Variants in ENOX1 observed in about 807,000 individuals in gnomAD.
ENOX1 encodes the protein ecto-NOX disulfide-thiol exchanger 1, also known as candidate growth-related and time keeping constitutive hydroquinone (NADH) oxidase.
In ENOX1, 42 loss-of-function variants were observed where a neutral mutation model predicts 82.5. The ratio of observed to expected loss-of-function variants is 0.51; its 90% confidence interval spans 0.40 to 0.66. The LOEUF (loss-of-function observed/expected upper bound fraction) is 0.66. Ranked by LOEUF, ENOX1 falls within the 30% of genes least tolerant of loss-of-function variation. ENOX1 has a pLI of 0.00. For missense variants in ENOX1, 608 were observed against 811.6 expected, an observed-to-expected ratio of 0.75 and a Z score of 3.05; for synonymous variants, 271 against 282.2, an observed-to-expected ratio of 0.96 and a Z score of 0.40.
chr13:43,705,419 A>G (rs1325319662), intron 1 of ENOX1, among the ~76,000 whole-genome samples: 1 of 151,164 alleles, frequency 6.6e-6, no homozygotes. Context: ...GCAAACAAAT[A>G]CATGCTCTAT....
At chr13:43,474,639 G>A (rs2058205821) in intron 3 of ENOX1, among the ~76,000 whole-genome samples, 1 of 152,130 alleles carries the variant, frequency 6.6e-6, no homozygotes, top group Non-Finnish European at 1.5e-5. Flanking sequence ...CTGGAATTAA[G>A]ACCTACACTT....
chr13:43,551,500 C>G (rs2079193273), intron 2 of ENOX1, among the ~76,000 whole-genome samples: 1 of 151,974 alleles, frequency 6.6e-6, no homozygotes, highest in African/African-American at 2.4e-5. Flanking sequence ...AAACTACTGA[C>G]CCATTTTTTA....
chr13:43,450,092 T>C (rs2056877554), intron 3 of ENOX1, among the ~76,000 whole-genome samples: 1 of 152,228 alleles, frequency 6.6e-6, no homozygotes, highest in Non-Finnish European at 1.5e-5. Context: ...TGGCATTCAA[T>C]ATAGTCATAT....
chr13:43,404,680 CG>C (rs1566133547), intron 5 of ENOX1, among the ~76,000 whole-genome samples: 1 of 152,174 alleles, frequency 6.6e-6, no homozygotes, highest in African/African-American at 2.4e-5. Flanking sequence ...CATCACTGGT[CG>C]GTCAGGCCAA....
At chr13:43,672,651 T>A (rs1433009254) in intron 1 of ENOX1, among the ~76,000 whole-genome samples, 1 of 152,198 alleles carries the variant, frequency 6.6e-6, no homozygotes, top group Admixed American at 6.5e-5. Context: ...TATCTGCATA[T>A]CGTGAGACCT....
intron 8 of ENOX1, among the ~76,000 whole-genome samples, chr13:43,349,544 T>C (rs199516842): frequency 1.3e-5 from 2 of 151,952 alleles, no homozygotes; most frequent in East Asian, 3.9e-4. Flanking sequence ...TGGCACATAG[T>C]AGGCATTACA....
chr13:43,329,034 T>G (rs1332406411), intron 9 of ENOX1, among the ~76,000 whole-genome samples: 3 of 152,152 alleles, frequency 2.0e-5, no homozygotes, highest in African/African-American at 7.2e-5. Flanking sequence ...GCTAAGTAGA[T>G]AGGTGGCATT....
At chr13:43,439,394 G>T (rs1459949422) in intron 3 of ENOX1, among the ~76,000 whole-genome samples, 3 of 152,012 alleles carry the variant, frequency 2.0e-5, no homozygotes, top group Non-Finnish European at 4.4e-5. Flanking sequence ...TAGAGACAGG[G>T]TTTCACCATG....
rs1197742422 is a variant in ENOX1 at position 43,558,210 on chromosome 13, T to G, written c.-218-74058A>C. 5.9e-5 allele frequency among the ~76,000 whole-genome samples: 9 copies of G among 152,340 alleles called. No homozygotes were observed. The East Asian group carries it at 1.7e-3, about 29-fold the overall frequency. On this transcript the variant is annotated intron_variant, in intron 2 of 16. Coordinates refer to ENST00000690772, the MANE Select transcript of ENOX1 (RefSeq NM_001347969.2). ...ACATCTTTACTAGGGAACCAGCTGC[T>G]AGTCAACAGCTGCCCCTTCTGCTCC...
rs1267517126 is a variant in ENOX1, at chr13:43,213,975, C to T, written c.*15G>A. 3 of 1,611,752 alleles carry T rather than the reference C, an allele frequency of 1.9e-6. No homozygotes were observed. The highest frequency in any genetic ancestry group is 1.1e-5 in the South Asian group (1 of 90,648). ...TCACATGGTTTCATTTCCAGAGATG[C>T]TTTGCTCTTCGCAGTTAGGTAGTTT... is the stretch of plus-strand genomic sequence containing the variant. On this transcript the variant is annotated 3_prime_UTR_variant, in exon 17 of 17. Coordinates refer to ENST00000690772, the MANE Select transcript of ENOX1 (RefSeq NM_001347969.2).
chr13:43,295,124 C>T (rs1425821038), intron 12 of ENOX1, among the ~76,000 whole-genome samples: 2 of 151,994 alleles, frequency 1.3e-5, no homozygotes, highest in Non-Finnish European at 2.9e-5. Flanking sequence ...CCTCAATAAA[C>T]CTAACGAAAG....
chr13:43,457,156 A>G (rs552369298), intron 3 of ENOX1, among the ~76,000 whole-genome samples: 1 of 152,296 alleles, frequency 6.6e-6, no homozygotes, highest in South Asian at 2.1e-4. Flanking sequence ...TGTTCAATCT[A>G]ATAAAACCAG....
At chr13:43,239,963 T>A (rs1043467715) in intron 14 of ENOX1, among the ~76,000 whole-genome samples, 2 of 152,228 alleles carry the variant, frequency 1.3e-5, no homozygotes, top group Non-Finnish European at 1.5e-5. Flanking sequence ...CAATTATCGA[T>A]AATCTCCAAG....
At chr13:43,256,744 C>T (rs2043771457) in intron 14 of ENOX1, among the ~76,000 whole-genome samples, 1 of 152,160 alleles carries the variant, frequency 6.6e-6, no homozygotes, top group South Asian at 2.1e-4. Context: ...TTGTAGAAAA[C>T]AGTATGGAGT....
intron 5 of ENOX1, among the ~76,000 whole-genome samples, chr13:43,397,437 A>G (rs569402240): frequency 1.3e-5 from 2 of 152,292 alleles, no homozygotes; most frequent in East Asian, 3.9e-4. Context: ...GTCACCTCAC[A>G]TTAGGGTATT....
chr13:43,389,996 T>C (rs561110118), intron 5 of ENOX1, among the ~76,000 whole-genome samples: 2 of 152,276 alleles, frequency 1.3e-5, no homozygotes, highest in East Asian at 1.9e-4. Flanking sequence ...AAATAACTTA[T>C]GTGCAAATAT....
intron 12 of ENOX1, among the ~76,000 whole-genome samples, chr13:43,288,233 T>TAAAGCCGTGTAATCTGAGAGATGTAC (rs1212708600): frequency 1.3e-5 from 2 of 152,352 alleles, no homozygotes; most frequent in Middle Eastern, 3.4e-3. Flanking sequence ...TAAACCTTTT[T>TAAAGCCGTGTAATCTGAGAGATGTAC]AAAGCCGTGT....
intron 1 of ENOX1, among the ~76,000 whole-genome samples, chr13:43,707,745 AAAAAAAAAAAAC>A (rs1162728068): frequency 3.3e-5 from 5 of 149,398 alleles, no homozygotes; most frequent in Non-Finnish European, 3.0e-5. Flanking sequence ...AAAAAAAAAA[AAAAAAAAAAAAC>A]CAAGAACAAA....
At chr13:43,291,487 T>C (rs2045996342) in intron 12 of ENOX1, among the ~76,000 whole-genome samples, 2 of 152,254 alleles carry the variant, frequency 1.3e-5, no homozygotes, top group Admixed American at 6.5e-5. Context: ...CTGCCTCTTC[T>C]TGCTGATTCA....
Sources: allele counts gnomAD v4.1 joint callset (sites outside exome capture counted in the v4.1 genomes callset), GRCh38; gene constraint gnomAD v4.1.1; transcripts MANE v1.5; gene names NCBI Gene and HGNC (gene_info 2026-07-23, HGNC 2026-07-21).